The following POTEF variants were observed in gnomAD, a reference collection of about 807,000 sequenced individuals.
POTEF encodes the protein ANKRD26-like family C member 1B.
POTEF carries 20 observed loss-of-function variants against 83.2 expected under a neutral mutation model. The ratio of observed to expected loss-of-function variants is 0.24; its 90% CI spans 0.17 to 0.35. POTEF has a LOEUF of 0.35. POTEF is among the 10% of genes least tolerant of loss of function. POTEF has a pLI of 1.00. For missense variants in POTEF, 550 were observed against 1,203.2 expected, an observed-to-expected ratio of 0.46 and a Z score of 8.03; for synonymous variants, 196 against 446.4, an observed-to-expected ratio of 0.44 and a Z score of 7.07.
chr2:130,073,979 T>G lies in POTEF; in HGVS notation c.*265A>C. On this transcript the variant is annotated 3_prime_UTR_variant, in exon 17 of 17. Transcript: ENST00000409914. ...GCAAGGGGCTTCCTGAAACAATGCG[T>G]CTCACAATATTTGGAATGACTATTG... 1 of 700,068 alleles carries G rather than the reference T, an allele frequency of 1.4e-6. No homozygotes were observed. Among genetic ancestry groups the G allele is most frequent in the South Asian group, 2.0e-5 (1 of 50,658 alleles). 43.4% of individuals were successfully genotyped at this position (700,068 alleles called of 1,614,324 possible). A position where few individuals can be genotyped will look rare whatever the true frequency, so the allele number is the denominator to read the frequency against.
intron 8 of POTEF, among the ~76,000 whole-genome samples, chr2:130,107,220 T>C (rs1267550402): frequency 1.3e-5 from 2 of 148,700 alleles, no homozygotes; most frequent in South Asian, 2.1e-4. Flanking sequence ...GCAGAGCATC[T>C]TGTTCTAACA....
At chr2:130,104,520 G>A (rs1004234558) in intron 8 of POTEF, among the ~76,000 whole-genome samples, 2 of 151,022 alleles carry the variant, frequency 1.3e-5, no homozygotes, top group Non-Finnish European at 2.9e-5. Context: ...AAGGGATTCT[G>A]TTTGGTTGCA....
At chr2:130,121,328 G>A (rs1486170758) in intron 2 of POTEF, among the ~76,000 whole-genome samples, 1 of 149,750 alleles carries the variant, frequency 6.7e-6, no homozygotes, top group East Asian at 2.0e-4. Flanking sequence ...GCCTCTTAAA[G>A]GAGGACTGGG....
rs1684170325 is a variant in POTEF, at chr2:130,093,106, G to A, written c.1480+332C>T. ...CCCTGTTGTGAACTGCCCATCTGAG[G>A]GATCTAGGTTGTGTGCTTCGTATGA... On this transcript the variant is annotated intron_variant, in intron 12 of 16. Transcript: ENST00000409914. Among the ~76,000 whole-genome samples, 4 of 144,596 alleles carry A rather than the reference G, an allele frequency of 2.8e-5. No individual in the cohort carries two copies. In the South Asian group the frequency reaches 9.1e-4, roughly 33 times the overall value. 94.9% of individuals were successfully genotyped at this position (144,596 alleles called of 152,430 possible).
At chr2:130,128,547 TAC>T (rs1558899670) in intron 1 of POTEF, among the ~76,000 whole-genome samples, 1 of 43,462 alleles carries the variant, frequency 2.3e-5, no homozygotes, top group Non-Finnish European at 4.4e-5. Flanking sequence ...GTAACCCCAA[TAC>T]CCCCCCCAAC....
chr2:130,109,596 G>A (rs1271755219), intron 7 of POTEF: 3 of 151,322 alleles, frequency 2.0e-5, no homozygotes, highest in African/African-American at 7.4e-5. Context: ...AGGATATAAA[G>A]GTGCCTCACA....
intron 2 of POTEF, among the ~76,000 whole-genome samples, chr2:130,127,353 CCACACA>C (rs1268256719): frequency 2.3e-5 from 2 of 88,506 alleles, no homozygotes; most frequent in South Asian, 3.4e-4. Flanking sequence ...AAAAAAAAAG[CCACACA>C]CACACACACA....
At chr2:130,080,583 TC>T (rs1683923970) in intron 15 of POTEF, among the ~76,000 whole-genome samples, 1 of 3,228 alleles carries the variant, frequency 3.1e-4, no homozygotes, top group Non-Finnish European at 2.2e-3. Flanking sequence ...AGATGATGTA[TC>T]AAAAAAAAAA....
intron 8 of POTEF, among the ~76,000 whole-genome samples, chr2:130,103,545 T>C (rs1405907640): frequency 7.5e-6 from 1 of 133,402 alleles, no homozygotes; most frequent in Non-Finnish European, 1.6e-5. Flanking sequence ...GAACTGTACA[T>C]TATTCCTCCA....
chr2:130,113,648 C>T (rs3872447), intron 5 of POTEF, among the ~76,000 whole-genome samples: 34,240 of 80,874 alleles, frequency 0.42, 7,538 homozygotes, highest in Middle Eastern at 0.49. Flanking sequence ...TACAGCCATG[C>T]ACCACCATGC....
intron 9 of POTEF, among the ~76,000 whole-genome samples, chr2:130,101,523 A>G (rs1316580084): frequency 6.7e-6 from 1 of 149,890 alleles, no homozygotes; most frequent in African/African-American, 2.5e-5. Context: ...CTCCCTGAAC[A>G]GAAACGCTGA....
chr2:130,120,751 G>C (rs1684981638), intron 2 of POTEF, 143 bp from the exon 3 acceptor site: 1 of 761,916 alleles, frequency 1.3e-6, no homozygotes, highest in Admixed American at 3.7e-5. Context: ...GCCCACCCCA[G>C]AAAGGGCCAA....
chr2:130,118,459 G>A (rs183477264), intron 3 of POTEF, among the ~76,000 whole-genome samples: 11 of 152,062 alleles, frequency 7.2e-5, no homozygotes, highest in East Asian at 3.9e-4. Context: ...CACTTGGGGA[G>A]GCCAAGGTGG....
intron 3 of POTEF, among the ~76,000 whole-genome samples, chr2:130,118,565 C>CA (rs1241147102): frequency 1.3e-5 from 2 of 150,082 alleles, no homozygotes; most frequent in South Asian, 4.2e-4. Flanking sequence ...GGCGTGGTGG[C>CA]AGGCGCCTGT....
At chr2:130,091,125 A>G (rs1174498423) in intron 12 of POTEF, among the ~76,000 whole-genome samples, 7 of 53,478 alleles carry the variant, frequency 1.3e-4, no homozygotes, top group Admixed American at 2.7e-4. Context: ...GGTCCTTTAA[A>G]GAAAAAGCTT....
chr2:130,122,927 G>C (rs1441559838), intron 2 of POTEF, among the ~76,000 whole-genome samples: 2 of 149,092 alleles, frequency 1.3e-5, no homozygotes, highest in African/African-American at 5.0e-5. Context: ...GTTTTTTGTG[G>C]AGTCTAAAAC....
intron 3 of POTEF, among the ~76,000 whole-genome samples, chr2:130,118,558 G>A (rs532440454): frequency 0.018 from 2,712 of 150,434 alleles, 125 homozygotes; most frequent in African/African-American, 0.063. Context: ...TTAGCCAGGC[G>A]TGGTGGCAGG....
intron 9 of POTEF, among the ~76,000 whole-genome samples, chr2:130,101,025 T>C (rs1684357963): frequency 1.4e-5 from 2 of 144,498 alleles, no homozygotes; most frequent in East Asian, 3.9e-4. Flanking sequence ...GGTCACCATT[T>C]GTTTGGACTA....
At position 130,120,319 on chromosome 2, in the gene POTEF, C is replaced by G; in HGVS notation, c.197G>C (p.Arg66Pro). 2 of 1,600,158 alleles carry G rather than the reference C, an allele frequency of 1.2e-6. No individual in the cohort carries two copies. The highest frequency in any genetic ancestry group is 1.7e-6 in the Non-Finnish European group (2 of 1,178,956). The change falls in exon 3 of 17, where the codon CGC (arginine) becomes CCC (proline). Residue 66 changes from arginine to proline, a missense_variant. Coordinates refer to ENST00000409914, the MANE Select transcript of POTEF (RefSeq NM_001099771.2). Reference protein sequence around the residue: ...TLRSKMGKWCRHCFPCCRGSG... With the variant: ...TLRSKMGKWCPHCFPCCRGSG... ...CCCCCTGCAGCAGGGGAAGCAGTGGCGGCACCACTTGCCCATCTTGCTCCT... is the reference window on the plus strand; with the variant it reads ...CCCCCTGCAGCAGGGGAAGCAGTGGGGGCACCACTTGCCCATCTTGCTCCT...
Sources: gnomAD v4.1 joint callset for allele counts (sites outside exome capture counted in the v4.1 genomes callset) on GRCh38, gnomAD v4.1.1 for gene constraint, MANE v1.5 for transcripts, NCBI Gene and HGNC (gene_info 2026-07-23, HGNC 2026-07-21) for gene names.